PTPRD: variants seen among roughly 807,000 people sequenced by gnomAD.
The protein encoded by PTPRD is protein tyrosine phosphatase receptor type D, also known as receptor-type tyrosine-protein phosphatase delta.
PTPRD carries 34 observed loss-of-function variants against 214.5 expected under a neutral mutation model. The observed-to-expected ratio is 0.16, with a 90% confidence interval of 0.12 to 0.21. The LOEUF is 0.21. Among genes scored for constraint, PTPRD ranks in the 10% least tolerant of loss-of-function variants. PTPRD has a pLI of 1.00. For synonymous variants in PTPRD, 1,128 were observed against 845.7 expected, an observed-to-expected ratio of 1.33 and a Z score of -5.79; for missense variants, 2,545 against 2,398.7, an observed-to-expected ratio of 1.06 and a Z score of -1.27.
At chr9:9,150,234 A>G (rs2099875496) in intron 10 of PTPRD, among the ~76,000 whole-genome samples, 1 of 151,982 alleles carries the variant, frequency 6.6e-6, no homozygotes, top group African/African-American at 2.4e-5. Context: ...TCCAGGGAGT[A>G]TGTATGAGAA....
chr9:8,488,229 C>T (rs1021339889), intron 27 of PTPRD, among the ~76,000 whole-genome samples: 4 of 152,082 alleles, frequency 2.6e-5, no homozygotes, highest in African/African-American at 9.7e-5. Context: ...GAAAGTGAAA[C>T]CCAAGTGGAG....
chr9:9,090,376 C>T (rs953789409), intron 10 of PTPRD, among the ~76,000 whole-genome samples: 9 of 152,170 alleles, frequency 5.9e-5, no homozygotes, highest in Non-Finnish European at 1.2e-4. Context: ...TATATTGGTG[C>T]AAATGACAGG....
chr9:9,500,881 A>C (rs540638249), intron 8 of PTPRD, among the ~76,000 whole-genome samples: 1 of 152,170 alleles, frequency 6.6e-6, no homozygotes, highest in African/African-American at 2.4e-5. Context: ...AAATGGACTT[A>C]TTACTGTTTT....
chr9:9,925,255 A>G (rs2083864945), intron 5 of PTPRD, among the ~76,000 whole-genome samples: 1 of 152,114 alleles, frequency 6.6e-6, no homozygotes, highest in South Asian at 2.1e-4. Context: ...GAAAGTTCTT[A>G]TTACAGGGTA....
rs575316167 is a variant in PTPRD at position 8,591,358 on chromosome 9, C to T, written c.352+41959G>A. Among the ~76,000 whole-genome samples the T allele has an allele frequency of 3.3e-5, 5 of 152,210 alleles. No homozygotes were observed. The South Asian group carries it at 1.0e-3, about 32-fold the overall frequency. On this transcript the variant is annotated intron_variant, in intron 14 of 45. Transcript: ENST00000381196. Reference sequence around the variant, plus strand: ...AGAATAATGAAAATCATATTTTGCTCCTGCCTGTGAATGGTGAAAACTTCA... The same window carrying T: ...AGAATAATGAAAATCATATTTTGCTTCTGCCTGTGAATGGTGAAAACTTCA...
intron 44 of PTPRD, among the ~76,000 whole-genome samples, chr9:8,330,837 A>T (rs1054941182): frequency 1.3e-5 from 2 of 152,086 alleles, no homozygotes; most frequent in Non-Finnish European, 2.9e-5. Context: ...TTTTTAATAA[A>T]CTCTCTCAAG....
chr9:8,584,430 T>G (rs992838076), intron 14 of PTPRD, among the ~76,000 whole-genome samples: 1 of 151,178 alleles, frequency 6.6e-6, no homozygotes, highest in African/African-American at 2.4e-5. Context: ...ATATTGGTAT[T>G]GGTACTAACT....
intron 11 of PTPRD, among the ~76,000 whole-genome samples, chr9:8,865,311 G>C (rs1161471234): frequency 6.6e-6 from 1 of 152,126 alleles, no homozygotes. Flanking sequence ...CATACTCAAT[G>C]TAATGTTTTC....
At position 8,559,457 on chromosome 9, in the gene PTPRD, A is replaced by C. The variant is rs572587560; in HGVS notation, c.353-30678T>G. On this transcript the variant is annotated intron_variant, in intron 14 of 45. Coordinates refer to ENST00000381196, the MANE Select transcript of PTPRD (RefSeq NM_002839.4). The stretch of plus-strand genomic sequence containing the variant: ...CTTAATGCAATTCACTATCACTTTG[A>C]AACCTGCTCTTGGGCTAGGTTTATG... Among the ~76,000 whole-genome samples, 6 of 152,350 alleles carry C rather than the reference A, an allele frequency of 3.9e-5. No individual in the cohort carries two copies. In the South Asian group the frequency reaches 8.3e-4, roughly 21 times the overall value.
At chr9:9,305,086 A>G (rs560479657) in intron 9 of PTPRD, among the ~76,000 whole-genome samples, 1 of 150,780 alleles carries the variant, frequency 6.6e-6, no homozygotes, top group South Asian at 2.1e-4. Context: ...CTTTCTGGAA[A>G]TTGGTGGAAA....
chr9:8,435,425 A>C (rs1257223288), intron 35 of PTPRD, among the ~76,000 whole-genome samples: 2 of 152,132 alleles, frequency 1.3e-5, no homozygotes. Context: ...AAGAGGTAAC[A>C]GGATGTGTTA....
chr9:9,637,999 G>A (rs532568548), intron 7 of PTPRD, among the ~76,000 whole-genome samples: 1 of 152,050 alleles, frequency 6.6e-6, no homozygotes, highest in Non-Finnish European at 1.5e-5. Flanking sequence ...CACCCCAAAG[G>A]CCCTGGCATT....
chr9:9,574,169 T>A (rs968083167), intron 8 of PTPRD, among the ~76,000 whole-genome samples: 1 of 151,920 alleles, frequency 6.6e-6, no homozygotes, highest in Admixed American at 6.6e-5. Context: ...ATAATCCAGA[T>A]TCACATTTTT....
chr9:9,670,130 T>A (rs1361054017), intron 7 of PTPRD, among the ~76,000 whole-genome samples: 1 of 152,282 alleles, frequency 6.6e-6, no homozygotes, highest in Non-Finnish European at 1.5e-5. Flanking sequence ...ATTAGTAATT[T>A]GTAATTTCTG....
At chr9:9,955,502 G>C (rs1002348798) in intron 4 of PTPRD, among the ~76,000 whole-genome samples, 1 of 147,068 alleles carries the variant, frequency 6.8e-6, no homozygotes, top group Non-Finnish European at 1.5e-5. Flanking sequence ...TTGGGTTTTC[G>C]TTTTTTTTGT....
At chr9:10,610,042 T>C (rs1354750544) in intron 2 of PTPRD, among the ~76,000 whole-genome samples, 2 of 152,144 alleles carry the variant, frequency 1.3e-5, no homozygotes, top group Non-Finnish European at 2.9e-5. Flanking sequence ...CATCGGGCCA[T>C]TATCTGATCT....
At chr9:10,482,715 C>A (rs1225638413) in intron 2 of PTPRD, among the ~76,000 whole-genome samples, 1 of 152,016 alleles carries the variant, frequency 6.6e-6, no homozygotes, top group East Asian at 1.9e-4. Context: ...CCTTTTACAA[C>A]AGGTACAAAA....
chr9:10,056,063 C>T (rs1348193526), intron 3 of PTPRD, among the ~76,000 whole-genome samples: 1 of 150,856 alleles, frequency 6.6e-6, no homozygotes, highest in East Asian at 1.9e-4. Context: ...TGGCTCACAC[C>T]TGTAATTCTA....
chr9:10,476,627 AG>A lies in PTPRD; in HGVS notation c.-599-135611del, dbSNP rs371976199. Among the ~76,000 whole-genome samples the A allele has an allele frequency of 4.6e-3, 695 of 152,158 alleles. 9 individuals are homozygous for A. The highest frequency in any genetic ancestry group is 0.016 in the African/African-American group (664 of 41,550). On this transcript the variant is annotated intron_variant, in intron 2 of 45. Transcript: ENST00000381196. ...TACCATTGACCTTCTTCACAGAGCT[AG>A]GAAAAACTAATTTAAATTTTATACG...
Sources: gnomAD v4.1 joint callset for allele counts (sites outside exome capture counted in the v4.1 genomes callset) on GRCh38, gnomAD v4.1.1 for gene constraint, MANE v1.5 for transcripts, NCBI Gene and HGNC (gene_info 2026-07-23, HGNC 2026-07-21) for gene names.